The following RNF130 variants were observed in gnomAD, a reference collection of about 807,000 sequenced individuals.
The protein encoded by RNF130 is ring finger protein 130, also known as E3 ubiquitin-protein ligase RNF130.
In RNF130, 21 loss-of-function variants were observed where a neutral mutation model predicts 44.6. The observed-to-expected ratio is 0.47, with a 90% CI of 0.33 to 0.68. The LOEUF (loss-of-function observed/expected upper bound fraction) is 0.68, where lower values mean the gene tolerates loss of function less well. RNF130 is among the 30% of genes least tolerant of loss of function. The probability of loss-of-function intolerance (pLI) is 0.02; values close to 1 mark genes in which losing one functional copy is unlikely to be tolerated. For missense variants in RNF130, 479 were observed against 560.6 expected (o/e 0.85, Z 1.47); for synonymous variants, 214 against 210.4 (o/e 1.02, Z -0.15).
chr5:180,008,653 G>A (rs1275895887), intron 3 of RNF130, among the ~76,000 whole-genome samples: 1 of 151,980 alleles, frequency 6.6e-6, no homozygotes, highest in East Asian at 1.9e-4. Context: ...GGGAGGCTGA[G>A]GTGCACAGAT....
At chr5:180,052,218 A>G (rs1048802409) in intron 1 of RNF130, among the ~76,000 whole-genome samples, 1 of 152,094 alleles carries the variant, frequency 6.6e-6, no homozygotes, top group Non-Finnish European at 1.5e-5. Flanking sequence ...ATCTAAATCT[A>G]AATCTCCCTC....
At chr5:180,048,496 G>A (rs940005730) in intron 1 of RNF130, among the ~76,000 whole-genome samples, 2 of 152,140 alleles carry the variant, frequency 1.3e-5, no homozygotes, top group African/African-American at 4.8e-5. Context: ...AATGAGGCCA[G>A]GTGCGGTGGC....
At chr5:180,057,090 T>G (rs1409288995) in intron 1 of RNF130, among the ~76,000 whole-genome samples, 1 of 152,178 alleles carries the variant, frequency 6.6e-6, no homozygotes, top group African/African-American at 2.4e-5. Context: ...CCAGCGTCTG[T>G]GCTAATAAGG....
intron 7 of RNF130, among the ~76,000 whole-genome samples, chr5:179,935,050 T>C (rs1761868567): frequency 6.6e-6 from 1 of 152,258 alleles, no homozygotes; most frequent in Non-Finnish European, 1.5e-5. Flanking sequence ...CATACTTCTA[T>C]GAGCATTCAA....
At chr5:179,950,693 A>G (rs747499754), downstream of RNF130, among the ~76,000 whole-genome samples, 8 of 152,218 alleles carry the variant, frequency 5.3e-5, no homozygotes, top group Non-Finnish European at 1.2e-4. Flanking sequence ...AAAATTCTCT[A>G]TCTGGCCTTG....
chr5:180,037,240 G>A (rs574377339), intron 2 of RNF130, among the ~76,000 whole-genome samples: 9 of 152,306 alleles, frequency 5.9e-5, no homozygotes, highest in Admixed American at 1.3e-4. Context: ...GCACATGTGC[G>A]AGAGTAACAA....
At chr5:179,927,952 A>G (rs746724785) in intron 7 of RNF130, among the ~76,000 whole-genome samples, 3 of 151,882 alleles carry the variant, frequency 2.0e-5, no homozygotes, top group Non-Finnish European at 4.4e-5. Context: ...TTGTGTCTAG[A>G]CTCTGTCTGA....
chr5:180,041,243 T>C (rs1258495896), intron 1 of RNF130, among the ~76,000 whole-genome samples: 2 of 152,206 alleles, frequency 1.3e-5, no homozygotes, highest in Non-Finnish European at 2.9e-5. Flanking sequence ...GTTGAAGTAG[T>C]TAAAATAACA....
At chr5:179,912,258 G>C (rs956623757) in exon 8 of RNF130, 1 of 152,234 alleles carries the variant, frequency 6.6e-6, no homozygotes, top group Non-Finnish European at 1.5e-5. Context: ...CAAAACAACT[G>C]TGACATATGT....
chr5:180,000,591 C>CT (rs149740298), intron 3 of RNF130, among the ~76,000 whole-genome samples: 2,902 of 151,292 alleles, frequency 0.019, 86 homozygotes, highest in African/African-American at 0.061. Flanking sequence ...ATTCTTATTT[C>CT]TTTTTTTTTG....
chr5:179,946,554 AT>A lies in RNF130; in HGVS notation c.1150+20251del, dbSNP rs397701505. ...GACCAGTACAGCACACCCACCGGGG[AT>A]TTTTTTTTTTTTTTTTGAGACGGAG... On this transcript the variant is annotated intron_variant, in intron 7 of 7. Coordinates refer to the RNF130 transcript ENST00000522208. Among the ~76,000 whole-genome samples, 988 of 140,588 alleles carry A rather than the reference AT, an allele frequency of 7.0e-3. 5 individuals are homozygous for A. The highest frequency in any genetic ancestry group is 0.019 in the African/African-American group (727 of 38,284). 92.2% of individuals were successfully genotyped at this position (140,588 alleles called of 152,430 possible).
chr5:179,967,291 A>G (rs1428747098), intron 6 of RNF130, among the ~76,000 whole-genome samples: 1 of 152,224 alleles, frequency 6.6e-6, no homozygotes, highest in African/African-American at 2.4e-5. Flanking sequence ...AGGCACAGGG[A>G]GTCGTAATCA....
At chr5:179,928,888 C>T (rs888571632) in intron 7 of RNF130, among the ~76,000 whole-genome samples, 6 of 152,146 alleles carry the variant, frequency 3.9e-5, no homozygotes, top group African/African-American at 1.4e-4. Flanking sequence ...CTCGGCCTCC[C>T]AAAGTGCTGG....
rs139656994 is a variant in RNF130 at position 180,031,026 on chromosome 5, A to G, written c.442+9427T>C. Among the ~76,000 whole-genome samples, 115 of 152,354 alleles carry G rather than the reference A, an allele frequency of 7.5e-4. 1 individual carries two copies. In the East Asian group the frequency reaches 0.013, roughly 17 times the overall value. On this transcript the variant is annotated intron_variant, in intron 2 of 8. Coordinates refer to ENST00000521389, the MANE Select transcript of RNF130 (RefSeq NM_018434.6). ...GAAGAAGATAAGGATGAAAACCATTATGGTGATGTGACCAACTTCCACTTA... is the reference window on the plus strand; with the variant it reads ...GAAGAAGATAAGGATGAAAACCATTGTGGTGATGTGACCAACTTCCACTTA...
intron 3 of RNF130, among the ~76,000 whole-genome samples, chr5:180,005,520 G>T (rs1369105433): frequency 1.3e-5 from 2 of 152,178 alleles, no homozygotes; most frequent in Non-Finnish European, 2.9e-5. Context: ...TCATAGTCTA[G>T]TGACAATTTA....
chr5:179,914,270 C>G (rs1469317262), exon 8 of RNF130: 1 of 152,274 alleles, frequency 6.6e-6, no homozygotes, highest in Admixed American at 6.5e-5. Flanking sequence ...TGCGATGAGT[C>G]CTTACTCATC....
intron 2 of RNF130, among the ~76,000 whole-genome samples, chr5:180,027,581 A>T (rs1315318645): frequency 6.6e-6 from 1 of 152,152 alleles, no homozygotes; most frequent in African/African-American, 2.4e-5. Flanking sequence ...CAGCTAGTGC[A>T]GCTCGCTGGA....
At chr5:179,986,330 A>T (rs1045484200) in intron 3 of RNF130, among the ~76,000 whole-genome samples, 6 of 152,210 alleles carry the variant, frequency 3.9e-5, no homozygotes, top group Non-Finnish European at 7.3e-5. Flanking sequence ...CTATGGTACA[A>T]ATCAAGCAAT....
At chr5:179,912,960 G>A (rs1385674734) in exon 8 of RNF130, 1 of 152,352 alleles carries the variant, frequency 6.6e-6, no homozygotes, top group Non-Finnish European at 1.5e-5. Flanking sequence ...GGCTAGGGAA[G>A]GCGATGATCC....
Sources: allele counts gnomAD v4.1 joint callset (sites outside exome capture counted in the v4.1 genomes callset), GRCh38; gene constraint gnomAD v4.1.1; transcripts MANE v1.5; gene names NCBI Gene and HGNC (gene_info 2026-07-23, HGNC 2026-07-21).